Variants in DRG1 observed in about 807,000 individuals in gnomAD.
DRG1 encodes developmentally-regulated GTP-binding protein 1.
A neutral mutation model predicts 38.8 loss-of-function variants in DRG1; 19 were observed. The observed-to-expected ratio is 0.49, with a 90% confidence interval of 0.34 to 0.72. The LOEUF is 0.72. DRG1 is among the 30% of genes least tolerant of loss of function. The probability of loss-of-function intolerance (pLI) is 0.01; values close to 1 mark genes in which losing one functional copy is unlikely to be tolerated. For missense variants in DRG1, 299 were observed against 444.8 expected (o/e 0.67, Z 2.95); for synonymous variants, 167 against 157.5 (o/e 1.06, Z -0.45).
At position 31,420,270 on chromosome 22, in the gene DRG1, A is replaced by G; in HGVS notation, c.427A>G (p.Asn143Asp). 6.2e-7 allele frequency: 1 copy of G among 1,613,966 alleles called. No individual in the cohort carries two copies. The highest frequency in any genetic ancestry group is 8.5e-7 in the Non-Finnish European group (1 of 1,179,950). The change falls in exon 5 of 9, where the codon AAC becomes GAC. Residue 143 changes from asparagine (N) to aspartate (D), a missense_variant. Asn to Asp is a conservative substitution (Grantham distance 23). Transcript: ENST00000331457. ...RQVIAVARTC[N>D]LILIVLDVLK... Reference sequence around the variant, plus strand: ...TTACTCTTCAGTGGCCCGAACCTGTAACTTGATCTTGATTGTTCTGGATGT... The same window carrying G: ...TTACTCTTCAGTGGCCCGAACCTGTGACTTGATCTTGATTGTTCTGGATGT...
chr22:31,416,605 A>C (rs1170264838), intron 4 of DRG1, among the ~76,000 whole-genome samples: 4 of 152,054 alleles, frequency 2.6e-5, no homozygotes, highest in African/African-American at 9.7e-5. Context: ...AAATACAAAA[A>C]TTAGCCAGGC....
At chr22:31,400,789 T>C in intron 2 of DRG1, 46 bp downstream of exon 2, 1 of 1,581,044 alleles carries the variant, frequency 6.3e-7, no homozygotes, top group South Asian at 1.1e-5. Flanking sequence ...ATAATTTTTG[T>C]CAAAATAGTA....
chr22:31,423,307 A>C lies in DRG1; in HGVS notation c.610A>C (p.Thr204Pro). ...CCCCCAGAGTGAGCTGGATGCTGAA[A>C]CTGTGAAGAGCATTCTGGCTGAATA... ...TCPQSELDAE[T>P]VKSILAEYKI... The change falls in exon 6 of 9, where the codon ACT becomes CCT. Residue 204 changes from threonine (T) to proline (P), a missense_variant. Physicochemically the swap from Thr to Pro is conservative, Grantham distance 38. Around this residue, in one of 3 missense-constraint regions of DRG1, gnomAD observed 198 missense variants for 268.1 expected, o/e 0.74. Transcript: ENST00000331457. 6.2e-7 allele frequency: 1 copy of C among 1,614,036 alleles called. No individual in the cohort carries two copies. The highest frequency in any genetic ancestry group is 8.5e-7 in the Non-Finnish European group (1 of 1,180,014).
In DRG1 at chr22:31,400,683, G is replaced by A; in HGVS notation, c.106G>A (p.Ala36Thr). Residue 36 changes from alanine to threonine, a missense_variant, in exon 2 of 9, where the codon GCT (alanine) becomes ACT (threonine). By Grantham distance (58) the Ala-to-Thr change is moderately conservative (BLOSUM62 0). Around this residue, in one of 3 missense-constraint regions of DRG1, gnomAD observed 51 missense variants for 56.1 expected, o/e 0.91. Coordinates refer to ENST00000331457, the MANE Select transcript of DRG1 (RefSeq NM_004147.4). ...CTTAGGGCTGCTTAAGGCTCGTCTTGCTAAGCTTCGTCGAGAACTCATTAC... is the reference window on the plus strand; with the variant it reads ...CTTAGGGCTGCTTAAGGCTCGTCTTACTAAGCTTCGTCGAGAACTCATTAC... ...HHLGLLKARL[A>T]KLRRELITPK... The A allele has an allele frequency of 6.2e-7, 1 of 1,613,544 alleles. No individual in the cohort carries two copies. Among genetic ancestry groups the A allele is most frequent in the Non-Finnish European group, 8.5e-7 (1 of 1,179,660 alleles).
Position 31,426,662 on chromosome 22 carries a change from C to G in DRG1, c.761C>G (p.Ser254Cys), listed in dbSNP as rs1809827336. 1 of 1,613,766 alleles carries G rather than the reference C, an allele frequency of 6.2e-7. No individual in the cohort carries two copies. The highest frequency in any genetic ancestry group is 1.7e-5 in the Admixed American group (1 of 59,946). ...IYVLNKIDQISIEELDIIYKV... is the reference protein window; with the variant it reads ...IYVLNKIDQICIEELDIIYKV... ...GTGTTAAATAAGATTGACCAAATCT[C>G]CATTGAGGAATTGGATATCATCTAT... Residue 254 changes from serine (S) to cysteine (C), a missense_variant, in exon 7 of 9, where the codon TCC (serine) becomes TGC (cysteine). Ser to Cys is a moderately radical substitution (Grantham distance 112, BLOSUM62 -1). Transcript: ENST00000331457.
At chr22:31,424,458 C>T (rs1363815729) in intron 6 of DRG1, among the ~76,000 whole-genome samples, 1 of 142,964 alleles carries the variant, frequency 7.0e-6, no homozygotes, top group African/African-American at 2.6e-5. Context: ...GCCTGTGTTA[C>T]TATCTTAAAT....
In DRG1 at chr22:31,426,676, G is replaced by A; in HGVS notation, c.775G>A (p.Asp259Asn). The change falls in exon 7 of 9, where the codon GAT (aspartate) becomes AAT (asparagine). Residue 259 changes from aspartate to asparagine, a missense_variant. Transcript: ENST00000331457. ...TGACCAAATCTCCATTGAGGAATTG[G>A]ATATCATCTATAAGGTGCCTCACTG... ...KIDQISIEEL[D>N]IIYKVPHCVP... The A allele has an allele frequency of 6.2e-7, 1 of 1,613,974 alleles. No individual in the cohort carries two copies. The highest frequency in any genetic ancestry group is 8.5e-7 in the Non-Finnish European group (1 of 1,179,972).
intron 2 of DRG1, among the ~76,000 whole-genome samples, chr22:31,401,936 A>C (rs2145857032): frequency 6.6e-6 from 1 of 152,182 alleles, no homozygotes; most frequent in East Asian, 1.9e-4. Context: ...CTGTAATCCC[A>C]GCTACTCAGG....
intron 8 of DRG1, among the ~76,000 whole-genome samples, chr22:31,430,327 T>C (rs1342537573): frequency 6.6e-6 from 1 of 152,216 alleles, no homozygotes; most frequent in Non-Finnish European, 1.5e-5. Context: ...CCATCATTTA[T>C]CCATCTTTCC....
At chr22:31,421,168 A>G (rs2050074676) in intron 5 of DRG1, 1 of 152,052 alleles carries the variant, frequency 6.6e-6, no homozygotes, top group East Asian at 1.9e-4. Flanking sequence ...GCTGGAGTAC[A>G]GTGGCACAAT....
At chr22:31,409,393 C>CTG (rs2050006533) in intron 3 of DRG1, among the ~76,000 whole-genome samples, 1 of 152,068 alleles carries the variant, frequency 6.6e-6, no homozygotes, top group African/African-American at 2.4e-5. Flanking sequence ...CCAGCCTGAG[C>CTG]AGTCATTTTT....
Position 31,411,005 on chromosome 22 carries a change from C to A in DRG1, c.343-7C>A. On this transcript the variant is annotated splice_polypyrimidine_tract_variant and splice_region_variant and intron_variant, in intron 3 of 8. Transcript: ENST00000331457. ...TTCATCCTCTTCCCCCATTCTTAAT[C>A]TTGCAGCTCCTGGATCTCCCAGGTA... The A allele has an allele frequency of 6.2e-7, 1 of 1,613,608 alleles. No individual in the cohort carries two copies. Among genetic ancestry groups the A allele is most frequent in the Non-Finnish European group, 8.5e-7 (1 of 1,179,706 alleles).
At chr22:31,431,261 C>T (rs894617486) in intron 8 of DRG1, among the ~76,000 whole-genome samples, 3 of 151,990 alleles carry the variant, frequency 2.0e-5, no homozygotes, top group Admixed American at 1.3e-4. Context: ...GTCTCGATCT[C>T]CTGACCTCGT....
At chr22:31,418,464 A>G (rs2050056448) in intron 4 of DRG1, among the ~76,000 whole-genome samples, 1 of 151,980 alleles carries the variant, frequency 6.6e-6, no homozygotes, top group African/African-American at 2.4e-5. Flanking sequence ...TCTCTTCAAA[A>G]AAGAGAATTT....
At chr22:31,425,704 G>C (rs1334386980) in intron 6 of DRG1, among the ~76,000 whole-genome samples, 1 of 152,180 alleles carries the variant, frequency 6.6e-6, no homozygotes, top group Non-Finnish European at 1.5e-5. Flanking sequence ...GCCTCCCAAC[G>C]TGTTGGGATT....
intron 5 of DRG1, among the ~76,000 whole-genome samples, chr22:31,420,918 A>T (rs891244958): frequency 1.3e-5 from 2 of 152,104 alleles, no homozygotes; most frequent in African/African-American, 4.8e-5. Flanking sequence ...GAAAGGAGAT[A>T]AGAGTGTTGG....
chr22:31,420,181 C>T (rs998736006), intron 4 of DRG1, 75 bp from the exon 5 acceptor site: 1 of 1,513,522 alleles, frequency 6.6e-7, no homozygotes, highest in Non-Finnish European at 8.9e-7. Flanking sequence ...GGGGAAAAAA[C>T]ACCTCTACTT....
intron 4 of DRG1, among the ~76,000 whole-genome samples, chr22:31,412,888 A>G (rs2050025579): frequency 6.6e-6 from 1 of 151,486 alleles, no homozygotes; most frequent in Non-Finnish European, 1.5e-5. Flanking sequence ...GGGTTTTGCC[A>G]TGTTGCCTGG....
chr22:31,421,286 T>TC (rs1419879226), intron 5 of DRG1: 1 of 145,462 alleles, frequency 6.9e-6, no homozygotes, highest in African/African-American at 2.5e-5. Context: ...CTAATTTTTT[T>TC]TTTTTTTTTT....
Sources: gnomAD v4.1 joint callset for allele counts (sites outside exome capture counted in the v4.1 genomes callset) on GRCh38, gnomAD v4.1.1 for gene constraint, gnomAD v4.1.1 regional missense constraint, MANE v1.5 for transcripts, NCBI Gene and HGNC (gene_info 2026-07-23, HGNC 2026-07-21) for gene names.